CLASP2: variants seen among roughly 807,000 people sequenced by gnomAD.
The protein encoded by CLASP2 is CLIP-associating protein 2.
In CLASP2, 47 loss-of-function variants were observed where a neutral mutation model predicts 194.4. That is an observed-to-expected ratio of 0.24 (90% CI 0.19 to 0.31). The LOEUF is 0.31. CLASP2 is among the 10% of genes least tolerant of loss of function. CLASP2 has a pLI of 1.00. For missense variants in CLASP2, 1,445 were observed against 1,823.6 expected, an observed-to-expected ratio of 0.79 and a Z score of 3.78; for synonymous variants, 619 against 633.5, an observed-to-expected ratio of 0.98 and a Z score of 0.34.
chr3:33,528,807 G>A lies in CLASP2; in HGVS notation c.3787+6426C>T, dbSNP rs537205190. On this transcript the variant is annotated intron_variant, in intron 34 of 38. Transcript: ENST00000682230. Reference sequence around the variant, plus strand: ...GAAACAAAGAAGGAAAGAAAGAAAGGAAGAAAGAAAGAGAGAAAGAAAGAG... The same window carrying A: ...GAAACAAAGAAGGAAAGAAAGAAAGAAAGAAAGAAAGAGAGAAAGAAAGAG... Among the ~76,000 whole-genome samples the A allele has an allele frequency of 2.0e-5, 3 of 151,632 alleles. No individual in the cohort carries two copies. The East Asian group carries it at 5.8e-4, about 29-fold the overall frequency.
intron 7 of CLASP2, among the ~76,000 whole-genome samples, chr3:33,657,107 A>C (rs967264843): frequency 2.6e-5 from 4 of 152,154 alleles, no homozygotes; most frequent in African/African-American, 9.7e-5. Flanking sequence ...ATTCGTAAAT[A>C]AACAAAGTTT....
intron 1 of CLASP2, among the ~76,000 whole-genome samples, chr3:33,707,162 T>C (rs1198918311): frequency 6.6e-6 from 1 of 152,110 alleles, no homozygotes. Context: ...AGGAAATACA[T>C]CTTGTGATAC....
intron 21 of CLASP2, among the ~76,000 whole-genome samples, chr3:33,587,311 G>C (rs1308272388): frequency 6.6e-6 from 1 of 152,002 alleles, no homozygotes; most frequent in African/African-American, 2.4e-5. Context: ...ATTTTTAGTA[G>C]AGACAGGGTT....
intron 6 of CLASP2, chr3:33,682,843 T>C (rs1459149477): frequency 6.6e-6 from 1 of 152,222 alleles, no homozygotes; most frequent in Non-Finnish European, 1.5e-5. Flanking sequence ...TGGGACTTAA[T>C]GGTTAGTTCT....
chr3:33,693,099 A>AT (rs2091522583), intron 2 of CLASP2, among the ~76,000 whole-genome samples: 1 of 152,092 alleles, frequency 6.6e-6, no homozygotes. Flanking sequence ...TAAATTGCAT[A>AT]TTTTTTGTTT....
chr3:33,592,558 A>G, intron 20 of CLASP2, 62 bp from the exon 21 acceptor site: 1 of 1,321,684 alleles, frequency 7.6e-7, no homozygotes, highest in Non-Finnish European at 1.1e-6. Flanking sequence ...TAATAATGAG[A>G]GGAGAAAATC....
chr3:33,609,659 T>C (rs1013226882), intron 13 of CLASP2, among the ~76,000 whole-genome samples: 1 of 152,222 alleles, frequency 6.6e-6, no homozygotes, highest in Non-Finnish European at 1.5e-5. Context: ...TATAGTCTTT[T>C]TATTGAGGCA....
rs116287266 is a variant in CLASP2 at position 33,523,499 on chromosome 3, A to G, written c.3788-6325T>C. Among the ~76,000 whole-genome samples the G allele has an allele frequency of 3.7e-3, 559 of 152,352 alleles. 1 individual carries two copies. Among genetic ancestry groups the G allele is most frequent in the Middle Eastern group, 0.017 (5 of 294 alleles). On this transcript the variant is annotated intron_variant, in intron 34 of 38. Coordinates refer to ENST00000682230, the MANE Select transcript of CLASP2 (RefSeq NM_001365631.1). ...TTAGAAACGTTGGAGGTCAGAAGGT[A>G]GTAGGCTGATATATTCAAAGTGCTA...
intron 36 of CLASP2, among the ~76,000 whole-genome samples, chr3:33,514,151 C>T (rs147469230): frequency 1.1e-4 from 17 of 152,158 alleles, no homozygotes; most frequent in Non-Finnish European, 2.5e-4. Context: ...TGACACCTGG[C>T]TAATTTTTGT....
chr3:33,593,670 T>C (rs761429488), intron 20 of CLASP2, among the ~76,000 whole-genome samples: 8 of 152,182 alleles, frequency 5.3e-5, no homozygotes, highest in Non-Finnish European at 1.0e-4. Context: ...TTACAGTCTA[T>C]TTTGAGCAGG....
intron 30 of CLASP2, among the ~76,000 whole-genome samples, chr3:33,550,392 CAAA>C (rs555351261): frequency 1.7e-3 from 88 of 51,670 alleles, no homozygotes; most frequent in African/African-American, 5.4e-3. Flanking sequence ...GAGACTGCCT[CAAA>C]AAAAAAAAAA....
chr3:33,677,211 C>A (rs1396482108), intron 6 of CLASP2, among the ~76,000 whole-genome samples: 3 of 152,092 alleles, frequency 2.0e-5, no homozygotes, highest in Non-Finnish European at 4.4e-5. Flanking sequence ...TGGGTATATA[C>A]CCAAAGGACT....
At chr3:33,639,070 T>A (rs901185429) in intron 8 of CLASP2, among the ~76,000 whole-genome samples, 4 of 152,136 alleles carry the variant, frequency 2.6e-5, no homozygotes, top group Non-Finnish European at 5.9e-5. Context: ...ATATGGTCCT[T>A]TTTTTTGGAG....
At chr3:33,689,671 C>G in intron 3 of CLASP2, 158 bp downstream of exon 3, 1 of 469,224 alleles carries the variant, frequency 2.1e-6, no homozygotes, top group Non-Finnish European at 3.7e-6. Context: ...AGCAAAAAAC[C>G]AGAAAGTCAA....
At chr3:33,572,864 T>C (rs2064065586) in intron 25 of CLASP2, among the ~76,000 whole-genome samples, 1 of 151,638 alleles carries the variant, frequency 6.6e-6, no homozygotes, top group Admixed American at 6.6e-5. Flanking sequence ...TTTCTATGTG[T>C]GAATAAAAAG....
intron 26 of CLASP2, among the ~76,000 whole-genome samples, chr3:33,569,624 T>TA: frequency 6.6e-6 from 1 of 152,288 alleles, no homozygotes; most frequent in East Asian, 1.9e-4. Context: ...TGTTCAATTA[T>TA]AAGTTACAAA....
chr3:33,593,402 C>A (rs1224899018), intron 20 of CLASP2, among the ~76,000 whole-genome samples: 1 of 152,042 alleles, frequency 6.6e-6, no homozygotes, highest in Non-Finnish European at 1.5e-5. Context: ...ATAAAAGATA[C>A]AATTTGTAGG....
intron 34 of CLASP2, among the ~76,000 whole-genome samples, chr3:33,531,745 A>G (rs751879045): frequency 1.3e-5 from 2 of 152,248 alleles, no homozygotes; most frequent in East Asian, 3.8e-4. Flanking sequence ...ATTGCACTCC[A>G]GCCTAGACGA....
intron 30 of CLASP2, among the ~76,000 whole-genome samples, chr3:33,549,742 C>CTTT (rs139359537): frequency 3.0e-4 from 42 of 142,298 alleles, no homozygotes; most frequent in South Asian, 9.0e-4. Context: ...TACTTTTTTT[C>CTTT]TTTTTTTTTT....
Sources: gnomAD v4.1 joint callset for allele counts (sites outside exome capture counted in the v4.1 genomes callset) on GRCh38, gnomAD v4.1.1 for gene constraint, MANE v1.5 for transcripts, NCBI Gene and HGNC (gene_info 2026-07-23, HGNC 2026-07-21) for gene names.